Variants in A1CF observed in about 807,000 individuals in gnomAD.
A1CF encodes the protein APOBEC1 complementation factor.
A neutral mutation model predicts 68.9 loss-of-function variants in A1CF; 48 were observed. The observed-to-expected ratio is 0.70, with a 90% CI of 0.55 to 0.89. The LOEUF is 0.89. A1CF is among the 40% of genes least tolerant of loss of function. The pLI is 0.00. For synonymous variants in A1CF, 272 were observed against 260.4 expected (o/e 1.04, Z -0.43); for missense variants, 653 against 718.9 (o/e 0.91, Z 1.05).
intron 5 of A1CF, among the ~76,000 whole-genome samples, chr10:50,839,984 C>T (rs1029515995): frequency 1.3e-5 from 2 of 152,148 alleles, no homozygotes; most frequent in Non-Finnish European, 2.9e-5. Context: ...TCAGGTGATC[C>T]GCCCGCCTTG....
intron 3 of A1CF, among the ~76,000 whole-genome samples, chr10:50,853,669 C>T (rs904452933): frequency 6.6e-6 from 1 of 151,442 alleles, no homozygotes; most frequent in African/African-American, 2.4e-5. Context: ...AGATTAAATA[C>T]TAAATTAAAG....
chr10:50,859,170 T>A (rs903246194), intron 3 of A1CF, among the ~76,000 whole-genome samples: 4 of 152,134 alleles, frequency 2.6e-5, no homozygotes, highest in African/African-American at 9.7e-5. Flanking sequence ...TTTTTTTCTT[T>A]AAATAAGATA....
chr10:50,865,781 A>G (rs901530937), intron 1 of A1CF, among the ~76,000 whole-genome samples: 7 of 152,028 alleles, frequency 4.6e-5, no homozygotes, highest in Admixed American at 2.6e-4. Context: ...TTCTTTGACA[A>G]CCTCTGTAGG....
intron 3 of A1CF, among the ~76,000 whole-genome samples, chr10:50,844,362 AAT>A (rs146015818): frequency 0.032 from 4,921 of 152,058 alleles, 231 homozygotes; most frequent in African/African-American, 0.11. Context: ...CTGCTAGGCA[AAT>A]ATTTTTTTTT....
chr10:50,870,750 A>G (rs1841227505), intron 1 of A1CF, among the ~76,000 whole-genome samples: 3 of 151,966 alleles, frequency 2.0e-5, no homozygotes, highest in South Asian at 4.1e-4. Flanking sequence ...AGTAGAAAAT[A>G]ATAGAAAACT....
At chr10:50,872,713 C>A (rs1841327076) in intron 1 of A1CF, among the ~76,000 whole-genome samples, 2 of 151,996 alleles carry the variant, frequency 1.3e-5, no homozygotes, top group South Asian at 4.1e-4. Context: ...ATTGTAATAG[C>A]TCCTTCGAGG....
chr10:50,838,777 A>C (rs374183527), intron 5 of A1CF, among the ~76,000 whole-genome samples: 1 of 152,286 alleles, frequency 6.6e-6, no homozygotes, highest in East Asian at 1.9e-4. Flanking sequence ...GGCAGAGTGC[A>C]AGTAGGTGAG....
chr10:50,883,667 T>C (rs1841878372), intron 1 of A1CF, among the ~76,000 whole-genome samples: 1 of 152,202 alleles, frequency 6.6e-6, no homozygotes, highest in Non-Finnish European at 1.5e-5. Context: ...TGATAGATGT[T>C]CCTGAAAGAA....
At chr10:50,870,557 A>G (rs1841216150) in intron 1 of A1CF, among the ~76,000 whole-genome samples, 1 of 151,864 alleles carries the variant, frequency 6.6e-6, no homozygotes, top group South Asian at 2.1e-4. Context: ...AACCTTAGAA[A>G]AGTGTGAATT....
chr10:50,836,391 G>A, intron 5 of A1CF, 79 bp from the exon 6 acceptor site: 2 of 1,461,008 alleles, frequency 1.4e-6, no homozygotes, highest in East Asian at 2.3e-5. Context: ...TGGGCCAAAT[G>A]TTGCCTGAAG....
chr10:50,830,842 C>A (rs1041847759), intron 6 of A1CF, among the ~76,000 whole-genome samples: 29 of 152,274 alleles, frequency 1.9e-4, no homozygotes, highest in African/African-American at 7.0e-4. Context: ...GGGGTCATCA[C>A]ACTACTTGAT....
intron 3 of A1CF, among the ~76,000 whole-genome samples, chr10:50,854,773 G>GAACAA (rs1189570272): frequency 1.3e-5 from 2 of 151,518 alleles, no homozygotes; most frequent in Non-Finnish European, 3.0e-5. Context: ...CAAAACAGAA[G>GAACAA]AACAAAACAA....
chr10:50,821,301 A>G (rs1005573543), intron 7 of A1CF, among the ~76,000 whole-genome samples: 1 of 152,204 alleles, frequency 6.6e-6, no homozygotes, highest in African/African-American at 2.4e-5. Flanking sequence ...ATAGCTAAAG[A>G]TTGGAAACAA....
chr10:50,850,773 A>G (rs998753204), intron 3 of A1CF: 5 of 1,614,018 alleles, frequency 3.1e-6, no homozygotes, highest in African/African-American at 2.7e-5. Flanking sequence ...ATGTGCCCAG[A>G]CACACTGCTT....
chr10:50,835,541 A>T (rs1839446688), intron 6 of A1CF, among the ~76,000 whole-genome samples: 1 of 152,148 alleles, frequency 6.6e-6, no homozygotes, highest in South Asian at 2.1e-4. Flanking sequence ...ACCAAATGGG[A>T]TCTATCCTGT....
At chr10:50,878,000 T>C (rs568897198) in intron 1 of A1CF, among the ~76,000 whole-genome samples, 1 of 152,104 alleles carries the variant, frequency 6.6e-6, no homozygotes, top group Non-Finnish European at 1.5e-5. Context: ...CACATGCTTG[T>C]AGTCCCAGCT....
chr10:50,825,098 C>T (rs1838854494), intron 7 of A1CF, among the ~76,000 whole-genome samples: 1 of 152,148 alleles, frequency 6.6e-6, no homozygotes. Context: ...GACATCCTTC[C>T]TGAATGTCCT....
Position 50,859,846 on chromosome 10 carries a change from A to G in A1CF, c.95T>C (p.Val32Ala). The G allele has an allele frequency of 6.2e-7, 1 of 1,613,600 alleles. No individual in the cohort carries two copies. The highest frequency in any genetic ancestry group is 8.5e-7 in the Non-Finnish European group (1 of 1,179,756). ...ALVQRTGYSL[V>A]QENGQRKYGG... The stretch of plus-strand genomic sequence containing the variant: ...GCAGATTTCACAAGTTCCTACCTGG[A>G]CCAAGCTATATCCTGTGCGCTGGAC... Residue 32 changes from valine to alanine, a missense_variant, in exon 3 of 13, where the codon GTC becomes GCC. Transcript: ENST00000373997.
intron 3 of A1CF, among the ~76,000 whole-genome samples, chr10:50,856,292 T>A (rs1840474522): frequency 6.6e-6 from 1 of 152,098 alleles, no homozygotes. Context: ...ATTTAAAGTC[T>A]TGGATAATTT....
Sources: gnomAD v4.1 joint callset for allele counts (sites outside exome capture counted in the v4.1 genomes callset) on GRCh38, gnomAD v4.1.1 for gene constraint, MANE v1.5 for transcripts, NCBI Gene and HGNC (gene_info 2026-07-23, HGNC 2026-07-21) for gene names.